TACC2: variants seen among roughly 807,000 people sequenced by gnomAD.
TACC2 encodes the protein transforming acidic coiled-coil containing protein 2.
TACC2 carries 137 observed loss-of-function variants against 227.3 expected under a neutral mutation model. That is an observed-to-expected ratio of 0.60 (90% confidence interval 0.52 to 0.69). The LOEUF (loss-of-function observed/expected upper bound fraction) is 0.69. Among genes scored for constraint, TACC2 ranks in the 30% least tolerant of loss-of-function variants. The probability of loss-of-function intolerance (pLI) is 0.00; values close to 1 mark genes in which losing one functional copy is unlikely to be tolerated. For missense variants in TACC2, 3,470 were observed against 3,694.4 expected, an observed-to-expected ratio of 0.94 and a Z score of 1.57; for synonymous variants, 1,523 against 1,487.5, an observed-to-expected ratio of 1.02 and a Z score of -0.55.
At chr10:122,060,912 G>A (rs571337750) in intron 3 of TACC2, among the ~76,000 whole-genome samples, 35 of 151,514 alleles carry the variant, frequency 2.3e-4, no homozygotes, top group African/African-American at 7.5e-4. Context: ...GGCTGAGGCA[G>A]GAGAATCACT....
At chr10:121,993,496 A>C (rs1953125212) in intron 1 of TACC2, among the ~76,000 whole-genome samples, 2 of 152,178 alleles carry the variant, frequency 1.3e-5, no homozygotes, top group African/African-American at 4.8e-5. Flanking sequence ...GTGAGTTTCC[A>C]GAAAGAATTA....
chr10:122,181,716 ATTTCAGAATT>A (rs1367927857), intron 7 of TACC2, among the ~76,000 whole-genome samples: 1 of 152,172 alleles, frequency 6.6e-6, no homozygotes, highest in East Asian at 1.9e-4. Flanking sequence ...AGACTTTATC[ATTTCAGAATT>A]TTTAATAAGT....
chr10:122,062,877 A>T (rs1480299656), intron 3 of TACC2, among the ~76,000 whole-genome samples: 1 of 152,162 alleles, frequency 6.6e-6, no homozygotes, highest in Non-Finnish European at 1.5e-5. Flanking sequence ...GCCTAGGGCT[A>T]CACACATCAC....
intron 5 of TACC2, among the ~76,000 whole-genome samples, chr10:122,093,283 A>G (rs1202778402): frequency 6.6e-6 from 1 of 152,152 alleles, no homozygotes; most frequent in Non-Finnish European, 1.5e-5. Context: ...CCTCCCATTA[A>G]GGAAGCCCTG....
chr10:122,048,395 TCCTTCCTTCCTCCCTCCCTC>T (rs2075276929), intron 2 of TACC2, among the ~76,000 whole-genome samples: 3 of 137,320 alleles, frequency 2.2e-5, no homozygotes, highest in African/African-American at 7.9e-5. Flanking sequence ...CTCCTCCCTT[TCCTTCCTTCCTCCCTCCCTC>T]CCTTCCTTCC....
At position 122,083,973 on chromosome 10, in the gene TACC2, C is replaced by T. The variant is rs369132344; in HGVS notation, c.1473C>T (p.Ala491=). The T allele has an allele frequency of 1.2e-6, 2 of 1,613,838 alleles. No homozygotes were observed. The highest frequency in any genetic ancestry group is 1.7e-6 in the Non-Finnish European group (2 of 1,179,990). The change falls in exon 4 of 23, where the codon GCC becomes GCT. Residue 491 remains alanine, a synonymous_variant. Coordinates refer to ENST00000369005, the MANE Select transcript of TACC2 (RefSeq NM_206862.4). ...HPEGDPGEVP[A]PSPQERGEHL... is the part of the protein sequence containing the mutation. ...AAGGGGACCCTGGAGAGGTTCCTGC[C>T]CCATCACCCCAGGAGAGGGGAGAGC...
In TACC2 at chr10:122,234,495, C is replaced by T. The variant is rs553697594; in HGVS notation, c.8128-2900C>T. On this transcript the variant is annotated intron_variant, in intron 16 of 22. Transcript: ENST00000369005. ...AAAATGTCTGATCTTAAAATATCAG[C>T]GACAGACAAAGCTATCAATTTCTGT... Among the ~76,000 whole-genome samples, 25 of 152,258 alleles carry T rather than the reference C, an allele frequency of 1.6e-4. No homozygotes were observed. The South Asian group carries it at 4.1e-3, about 25-fold the overall frequency.
At position 122,082,769 on chromosome 10, in the gene TACC2, C is replaced by T. The variant is rs2079670216; in HGVS notation, c.269C>T (p.Pro90Leu). ...AAGGACCCACAGGGAGCCAGGGGGC[C>T]AGAAGGTTCTTTGCTGCCCAGCCCA... ...PRKDPQGARG[P>L]EGSLLPSPPP... Residue 90 changes from proline to leucine, a missense_variant, in exon 4 of 23, where the codon CCA becomes CTA. By Grantham distance (98) the Pro-to-Leu change is moderately conservative. Transcript: ENST00000369005. The T allele has an allele frequency of 1.9e-6, 3 of 1,613,948 alleles. No homozygotes were observed. In the East Asian group the frequency reaches 6.7e-5, roughly 36 times the overall value.
intron 7 of TACC2, among the ~76,000 whole-genome samples, chr10:122,170,677 T>C (rs1218012644): frequency 6.6e-6 from 1 of 152,208 alleles, no homozygotes; most frequent in Non-Finnish European, 1.5e-5. Flanking sequence ...TGGACTTCCA[T>C]GGTTAAAACC....
At chr10:122,071,736 A>AG (rs398014988) in intron 3 of TACC2, among the ~76,000 whole-genome samples, 10 of 147,986 alleles carry the variant, frequency 6.8e-5, no homozygotes, top group Admixed American at 1.3e-4. Context: ...AAAAAAAAAA[A>AG]GTGATCTGGG....
intron 6 of TACC2, among the ~76,000 whole-genome samples, chr10:122,135,333 C>A (rs899349800): frequency 6.6e-6 from 1 of 152,134 alleles, no homozygotes; most frequent in African/African-American, 2.4e-5. Context: ...TACCTACAAC[C>A]CTGACCAAGA....
intron 1 of TACC2, among the ~76,000 whole-genome samples, chr10:121,997,818 C>G (rs536007811): frequency 9.1e-4 from 139 of 152,180 alleles, no homozygotes; most frequent in Middle Eastern, 3.4e-3. Flanking sequence ...ACCCTTGGAG[C>G]ATTGGTCAGT....
At chr10:122,091,496 A>G (rs1287241627) in intron 5 of TACC2, among the ~76,000 whole-genome samples, 1 of 152,112 alleles carries the variant, frequency 6.6e-6, no homozygotes, top group Non-Finnish European at 1.5e-5. Flanking sequence ...TGGTCTTTGA[A>G]GGAAATGGGG....
At position 122,237,430 on chromosome 10, in the gene TACC2, C is replaced by T; in HGVS notation, c.8163C>T (p.Ser2721=). 1 of 1,613,880 alleles carries T rather than the reference C, an allele frequency of 6.2e-7. No homozygotes were observed. Among genetic ancestry groups the T allele is most frequent in the Non-Finnish European group, 8.5e-7 (1 of 1,179,868 alleles). The change falls in exon 17 of 23, where the codon TCC becomes TCT. Residue 2721 remains serine, a synonymous_variant. Coordinates refer to ENST00000369005, the MANE Select transcript of TACC2 (RefSeq NM_206862.4). ...CTCACCCAACAGACGTCTCCATCTC[C>T]AAAACAGCCTTGTACTCCCGCATCG... ...EAAHPTDVSI[S]KTALYSRIGT... is the part of the protein sequence containing the mutation.
intron 3 of TACC2, among the ~76,000 whole-genome samples, chr10:122,072,910 G>C (rs1465212621): frequency 1.3e-5 from 2 of 151,640 alleles, no homozygotes; most frequent in Non-Finnish European, 2.9e-5. Context: ...TCAGGAGATG[G>C]AGACCATCCT....
intron 17 of TACC2, 30 bp from the exon 18 acceptor site, chr10:122,237,931 T>C (rs1417794468): frequency 6.4e-7 from 1 of 1,566,396 alleles, no homozygotes; most frequent in South Asian, 1.1e-5. Flanking sequence ...CATTTGGGGC[T>C]AACCTTTCTC....
intron 2 of TACC2, among the ~76,000 whole-genome samples, chr10:122,042,598 A>G (rs1469705029): frequency 6.6e-6 from 1 of 152,226 alleles, no homozygotes; most frequent in Non-Finnish European, 1.5e-5. Flanking sequence ...GGGGCTCTTC[A>G]TTAATGAGTT....
chr10:122,120,832 C>G (rs1350764013), intron 5 of TACC2, among the ~76,000 whole-genome samples: 1 of 152,068 alleles, frequency 6.6e-6, no homozygotes, highest in East Asian at 1.9e-4. Flanking sequence ...GCGATCTCAG[C>G]TCAGCTCACT....
At chr10:122,234,100 C>T (rs1203166200) in intron 16 of TACC2, among the ~76,000 whole-genome samples, 1 of 152,220 alleles carries the variant, frequency 6.6e-6, no homozygotes, top group Non-Finnish European at 1.5e-5. Flanking sequence ...GCTCTCCCAG[C>T]CTCGGATGGC....
Sources: gnomAD v4.1 joint callset for allele counts (sites outside exome capture counted in the v4.1 genomes callset) on GRCh38, gnomAD v4.1.1 for gene constraint, MANE v1.5 for transcripts, NCBI Gene and HGNC (gene_info 2026-07-23, HGNC 2026-07-21) for gene names.